The following NDRG4 variants were observed in gnomAD, a reference collection of about 807,000 sequenced individuals.
The protein encoded by NDRG4 is NDRG family member 4, also known as protein NDRG4.
A neutral mutation model predicts 55.8 loss-of-function variants in NDRG4; 38 were observed. The observed-to-expected ratio is 0.68, with a 90% CI of 0.53 to 0.89. NDRG4 has a LOEUF of 0.89. NDRG4 is among the 40% of genes least tolerant of loss of function. The pLI, the probability that NDRG4 is intolerant of heterozygous loss-of-function variation, is 0.00. For synonymous variants in NDRG4, 190 were observed against 182.7 expected (o/e 1.04, Z -0.32); for missense variants, 455 against 468.6 (o/e 0.97, Z 0.27).
At chr16:58,475,751 T>G in intron 1 of NDRG4, 1 of 430,252 alleles carries the variant, frequency 2.3e-6, no homozygotes, top group Non-Finnish European at 4.7e-6. Context: ...TGCCATCACA[T>G]CTGTATTCCA....
chr16:58,480,614 G>C (rs2034276095), intron 1 of NDRG4, among the ~76,000 whole-genome samples: 1 of 152,178 alleles, frequency 6.6e-6, no homozygotes, highest in East Asian at 1.9e-4. Context: ...CTTTCCTATG[G>C]CTTCTGTGGA....
chr16:58,478,697 G>GTTTTTTTTTT (rs59525801), intron 1 of NDRG4, among the ~76,000 whole-genome samples: 11 of 137,674 alleles, frequency 8.0e-5, no homozygotes, highest in Non-Finnish European at 1.1e-4. Flanking sequence ...TTTGTTTTTT[G>GTTTTTTTTTT]TTTTTTTTTT....
intron 1 of NDRG4, chr16:58,487,656 A>C (rs1256875989): frequency 1.3e-5 from 12 of 921,214 alleles, no homozygotes; most frequent in East Asian, 2.9e-5. Flanking sequence ...GGGACAGTGC[A>C]TCTGGTTTCC....
chr16:58,482,665 A>ATCCTTCCCTTCCTTCC (rs2034553127), intron 1 of NDRG4, among the ~76,000 whole-genome samples: 2 of 71,080 alleles, frequency 2.8e-5, no homozygotes, highest in Non-Finnish European at 6.0e-5. Flanking sequence ...CTCTCTTTCC[A>ATCCTTCCCTTCCTTCC]TCCCTCCCTT....
In NDRG4 at chr16:58,511,474, C is replaced by T. The variant is rs768237344; in HGVS notation, c.957C>T (p.Thr319=). Residue 319 remains threonine (T), a synonymous_variant, in exon 15 of 15, where the codon ACC becomes ACT. Coordinates refer to ENST00000570248, the MANE Select transcript of NDRG4 (RefSeq NM_001242835.2). The part of the protein sequence containing the change: ...RLARSRTASL[T]SASSVDGSRP... ...CACGCTCCCGCACTGCATCCCTCAC[C>T]AGTGCCAGCTCGGTGGATGGCAGCC... is the stretch of plus-strand genomic sequence containing the variant. 69 of 1,612,796 alleles carry T rather than the reference C, an allele frequency of 4.3e-5. No homozygotes were observed. Among genetic ancestry groups the T allele is most frequent in the Admixed American group, 1.0e-4 (6 of 59,992 alleles).
chr16:58,481,898 C>A (rs941562080), intron 1 of NDRG4, among the ~76,000 whole-genome samples: 1 of 152,130 alleles, frequency 6.6e-6, no homozygotes. Context: ...AGTTCCAGAC[C>A]CCCTATATAG....
chr16:58,508,659 A>C (rs2038369967), intron 10 of NDRG4, among the ~76,000 whole-genome samples: 1 of 152,076 alleles, frequency 6.6e-6, no homozygotes, highest in South Asian at 2.1e-4. Context: ...TGCCGAGGGC[A>C]CTGGGGCTTT....
chr16:58,474,259 T>C (rs190115215), intron 1 of NDRG4, among the ~76,000 whole-genome samples: 1 of 152,170 alleles, frequency 6.6e-6, no homozygotes, highest in African/African-American at 2.4e-5. Flanking sequence ...GCCAGGCTGG[T>C]CTCGAACTCC....
In NDRG4 at chr16:58,511,759, C is replaced by T. The variant is rs1393858538; in HGVS notation, c.*183C>T. On this transcript the variant is annotated 3_prime_UTR_variant, in exon 15 of 15. Transcript: ENST00000570248. Reference sequence around the variant, plus strand: ...CTCCAGGTGTTTTAAGGGGCTCAGTCCTCCTCATCCCATCTCACTCTCCGT... The same window carrying T: ...CTCCAGGTGTTTTAAGGGGCTCAGTTCTCCTCATCCCATCTCACTCTCCGT... 2.7e-6 allele frequency: 2 copies of T among 734,926 alleles called. No homozygotes were observed. Among genetic ancestry groups the T allele is most frequent in the East Asian group, 5.6e-5 (2 of 35,972 alleles). The allele number at this position is 734,926 out of a possible 1,614,324, so 45.5% of individuals were successfully genotyped here. A position where few individuals can be genotyped will look rare whatever the true frequency, so the allele number is the denominator to read the frequency against.
rs528150290 is a variant in NDRG4 at position 58,505,960 on chromosome 16, G to C, written c.373-427G>C. Reference sequence around the variant, plus strand: ...TGGTCTCGTATGCCTGACCTCAGGTGATCAGCCCGCCTTGGCCTCCCAAAG... The same window carrying C: ...TGGTCTCGTATGCCTGACCTCAGGTCATCAGCCCGCCTTGGCCTCCCAAAG... On this transcript the variant is annotated intron_variant, in intron 5 of 14. Coordinates refer to ENST00000570248, the MANE Select transcript of NDRG4 (RefSeq NM_001242835.2). 9.0e-5 allele frequency: 28 copies of C among 311,148 alleles called. No individual in the cohort carries two copies. The East Asian group carries it at 3.2e-3, about 35-fold the overall frequency. 19.3% of individuals were successfully genotyped at this position (311,148 alleles called of 1,614,324 possible).
At chr16:58,478,697 GTTT>G (rs59525801) in intron 1 of NDRG4, among the ~76,000 whole-genome samples, 14 of 137,758 alleles carry the variant, frequency 1.0e-4, no homozygotes, top group African/African-American at 2.1e-4. Context: ...TTTGTTTTTT[GTTT>G]TTTTTTTTTG....
Position 58,500,166 on chromosome 16 carries a change from G to A in NDRG4, c.-83G>A. 1.3e-6 allele frequency: 2 copies of A among 1,535,638 alleles called. No individual in the cohort carries two copies. The highest frequency in any genetic ancestry group is 1.2e-5 in the South Asian group (1 of 83,936). On this transcript the variant is annotated 5_prime_UTR_variant, in exon 1 of 15. Coordinates refer to ENST00000570248, the MANE Select transcript of NDRG4 (RefSeq NM_001242835.2). ...TCACAGAGCCGACCATCTCCCACTC[G>A]AGCTGCCCCCGCCCTCTGGACCCGA...
chr16:58,498,616 C>T (rs1264124638), upstream of NDRG4, among the ~76,000 whole-genome samples: 1 of 152,196 alleles, frequency 6.6e-6, no homozygotes, highest in Non-Finnish European at 1.5e-5. Flanking sequence ...TGTAGACCCA[C>T]CCGGCCCTTG....
intron 2 of NDRG4, among the ~76,000 whole-genome samples, chr16:58,493,850 G>A (rs771563492): frequency 7.2e-5 from 11 of 152,184 alleles, no homozygotes; most frequent in Non-Finnish European, 1.5e-4. Context: ...AAAGTGGCCC[G>A]AGTCTGAGCT....
chr16:58,509,329 A>G lies in NDRG4; in HGVS notation c.842A>G (p.Tyr281Cys), dbSNP rs1224139336. The change falls in exon 13 of 15, where the codon TAC (tyrosine) becomes TGC (cysteine). Residue 281 changes from tyrosine (Y) to cysteine (C), a missense_variant. Physicochemically the swap from Tyr to Cys is radical, Grantham distance 194 (BLOSUM62 -2). Coordinates refer to ENST00000570248, the MANE Select transcript of NDRG4 (RefSeq NM_001242835.2). ...QPGKLTEAFKYFLQGMGYIAY... is the reference protein window; with the variant it reads ...QPGKLTEAFKCFLQGMGYIAY... ...GGGAAGCTGACTGAAGCCTTCAAAT[A>G]CTTCCTGCAAGGCATGGGCTACAGT... is the stretch of plus-strand genomic sequence containing the variant. 1 of 1,613,882 alleles carries G rather than the reference A, an allele frequency of 6.2e-7. No individual in the cohort carries two copies. Among genetic ancestry groups the G allele is most frequent in the Non-Finnish European group, 8.5e-7 (1 of 1,179,964 alleles).
intron 2 of NDRG4, chr16:58,494,844 A>G (rs1273305938): frequency 9.0e-5 from 73 of 810,738 alleles, no homozygotes; most frequent in South Asian, 2.0e-4. Context: ...AAAAAAAAAA[A>G]AAAGAAAAGA....
At chr16:58,465,090 A>C in intron 1 of NDRG4, 3 of 1,284,700 alleles carry the variant, frequency 2.3e-6, no homozygotes, top group South Asian at 1.3e-5. Flanking sequence ...GGGAGCAGGG[A>C]CGGGGGGGAG....
intron 1 of NDRG4, among the ~76,000 whole-genome samples, chr16:58,466,251 A>C (rs1448215450): frequency 6.6e-6 from 1 of 152,174 alleles, no homozygotes; most frequent in East Asian, 1.9e-4. Context: ...TCTGACCTCA[A>C]GTGATCCACC....
At chr16:58,506,796 C>CCCCA in intron 7 of NDRG4, 116 bp from the exon 8 acceptor site, 1 of 1,203,272 alleles carries the variant, frequency 8.3e-7, no homozygotes, top group Non-Finnish European at 1.2e-6. Context: ...ACCCTGTCTC[C>CCCCA]CCTGCCTGCT....
Sources: gnomAD v4.1 joint callset for allele counts (sites outside exome capture counted in the v4.1 genomes callset) on GRCh38, gnomAD v4.1.1 for gene constraint, MANE v1.5 for transcripts, NCBI Gene and HGNC (gene_info 2026-07-23, HGNC 2026-07-21) for gene names.